CPNE4: variants seen among roughly 807,000 people sequenced by gnomAD.
CPNE4 encodes the protein copine-4.
CPNE4 carries 25 observed loss-of-function variants against 67.9 expected under a neutral mutation model. The ratio of observed to expected loss-of-function variants is 0.37; its 90% CI spans 0.27 to 0.51. CPNE4 has a LOEUF of 0.51. Among genes scored for constraint, CPNE4 ranks in the 20% least tolerant of loss-of-function variants. CPNE4 has a pLI of 0.93. For synonymous variants in CPNE4, 242 were observed against 244.9 expected (o/e 0.99, Z 0.11); for missense variants, 464 against 690.8 (o/e 0.67, Z 3.68).
chr3:131,764,869 T>G (rs1331029432), intron 2 of CPNE4, among the ~76,000 whole-genome samples: 2 of 152,098 alleles, frequency 1.3e-5, no homozygotes, highest in Non-Finnish European at 2.9e-5. Context: ...CTAGACACAT[T>G]GAAGAGCTCT....
chr3:131,561,521 AG>A (rs1156711760), intron 11 of CPNE4, among the ~76,000 whole-genome samples: 1 of 152,038 alleles, frequency 6.6e-6, no homozygotes, highest in African/African-American at 2.4e-5. Flanking sequence ...CTTTCCTTCA[AG>A]GCCATCCTGA....
chr3:131,782,213 A>T (rs574803499), intron 2 of CPNE4, among the ~76,000 whole-genome samples: 13 of 152,050 alleles, frequency 8.5e-5, no homozygotes, highest in African/African-American at 2.9e-4. Flanking sequence ...AATTTGGCCA[A>T]TTCTGAAGAT....
intron 2 of CPNE4, among the ~76,000 whole-genome samples, chr3:131,812,588 C>T (rs1179276731): frequency 1.3e-5 from 2 of 152,220 alleles, no homozygotes. Flanking sequence ...TATCAAATAT[C>T]ACATGCAAAT....
chr3:131,946,502 T>C (rs1448748156), intron 1 of CPNE4, among the ~76,000 whole-genome samples: 2 of 152,184 alleles, frequency 1.3e-5, no homozygotes, highest in Admixed American at 6.5e-5. Context: ...GTACAGGTAG[T>C]CAACATCTTT....
intron 2 of CPNE4, among the ~76,000 whole-genome samples, chr3:131,728,622 A>AT (rs1347805576): frequency 6.6e-6 from 1 of 151,982 alleles, no homozygotes; most frequent in East Asian, 1.9e-4. Flanking sequence ...TAGAAATTGG[A>AT]TTGTGTGGCC....
intron 2 of CPNE4, among the ~76,000 whole-genome samples, chr3:131,743,807 C>T (rs1466002106): frequency 1.3e-5 from 2 of 150,836 alleles, no homozygotes. Flanking sequence ...ACTAAAAATA[C>T]AAAAAATTAG....
chr3:131,542,726 A>G lies in CPNE4; in HGVS notation c.1370T>C (p.Ile457Thr). ...CATGGGGAGGTGGGAGGCATGGACA[A>G]TGGCCTCCCGGGTGTCGGCCATGTC... ...ITDMADTREAIVHASHLPMSV... is the reference protein window; with the variant it reads ...ITDMADTREATVHASHLPMSV... The change falls in exon 15 of 16, where the codon ATT becomes ACT. Residue 457 changes from isoleucine to threonine, a missense_variant. Around this residue, in one of 6 missense-constraint regions of CPNE4, gnomAD observed 201 missense variants for 357.7 expected, o/e 0.56. Coordinates refer to ENST00000429747, the MANE Select transcript of CPNE4 (RefSeq NM_130808.3). 1 of 1,613,966 alleles carries G rather than the reference A, an allele frequency of 6.2e-7. No individual in the cohort carries two copies. Among genetic ancestry groups the G allele is most frequent in the Non-Finnish European group, 8.5e-7 (1 of 1,179,944 alleles).
intron 1 of CPNE4, among the ~76,000 whole-genome samples, chr3:131,936,095 G>T (rs1036679991): frequency 1.3e-5 from 2 of 151,630 alleles, no homozygotes; most frequent in African/African-American, 2.4e-5. Flanking sequence ...CAACACTTTT[G>T]TTCTTCTCAT....
At chr3:131,566,806 G>A (rs1316767574) in intron 10 of CPNE4, among the ~76,000 whole-genome samples, 1 of 151,968 alleles carries the variant, frequency 6.6e-6, no homozygotes, top group Non-Finnish European at 1.5e-5. Flanking sequence ...TAAAAGTAAT[G>A]CTGGGAAGGC....
intron 9 of CPNE4, among the ~76,000 whole-genome samples, chr3:131,580,569 G>A (rs886155883): frequency 6.6e-6 from 1 of 152,022 alleles, no homozygotes; most frequent in Non-Finnish European, 1.5e-5. Context: ...TCAGAGACAC[G>A]TGGGTTAAAA....
At chr3:131,906,702 G>A (rs565432344) in intron 1 of CPNE4, among the ~76,000 whole-genome samples, 83 of 151,720 alleles carry the variant, frequency 5.5e-4, no homozygotes, top group Non-Finnish European at 7.5e-4. Context: ...GAATAGTGCC[G>A]CAATAAACAT....
intron 2 of CPNE4, among the ~76,000 whole-genome samples, chr3:131,790,785 A>G (rs939717824): frequency 3.9e-5 from 6 of 152,222 alleles, no homozygotes; most frequent in Admixed American, 3.9e-4. Flanking sequence ...GTATACACAA[A>G]TACAAAAACA....
intron 3 of CPNE4, among the ~76,000 whole-genome samples, chr3:131,722,603 T>G (rs2081916253): frequency 6.6e-6 from 1 of 152,212 alleles, no homozygotes; most frequent in Non-Finnish European, 1.5e-5. Context: ...AAGCTCTCTC[T>G]TCCTTTAAGG....
intron 1 of CPNE4, among the ~76,000 whole-genome samples, chr3:131,919,080 C>T (rs1279441678): frequency 4.6e-5 from 7 of 152,098 alleles, no homozygotes; most frequent in Non-Finnish European, 1.0e-4. Context: ...CCAGCTCTAG[C>T]CTGGAAGGTC....
intron 7 of CPNE4, among the ~76,000 whole-genome samples, chr3:131,612,261 C>T (rs1163561336): frequency 1.3e-5 from 2 of 152,080 alleles, no homozygotes; most frequent in African/African-American, 2.4e-5. Context: ...GTAATCCCAG[C>T]TACTCAGGAG....
chr3:131,862,815 G>A (rs905154669), intron 2 of CPNE4, among the ~76,000 whole-genome samples: 11 of 151,942 alleles, frequency 7.2e-5, no homozygotes, highest in East Asian at 1.9e-4. Context: ...CCATTAACTC[G>A]TCATTTGACA....
rs531673748 is a variant in CPNE4, at chr3:131,837,845, G to A, written c.180+67419C>T. Reference sequence around the variant, plus strand: ...TATGATGTTCTCTTGGGGGAAACAGGATAAAGGGTACAGGGGAACTTTCTG... The same window carrying A: ...TATGATGTTCTCTTGGGGGAAACAGAATAAAGGGTACAGGGGAACTTTCTG... On this transcript the variant is annotated intron_variant, in intron 2 of 15. Transcript: ENST00000429747. Among the ~76,000 whole-genome samples, 4 of 152,036 alleles carry A rather than the reference G, an allele frequency of 2.6e-5. No individual in the cohort carries two copies. In the South Asian group the frequency reaches 8.3e-4, roughly 32 times the overall value.
At chr3:131,620,077 T>A (rs1940380498) in intron 7 of CPNE4, among the ~76,000 whole-genome samples, 1 of 152,182 alleles carries the variant, frequency 6.6e-6, no homozygotes, top group African/African-American at 2.4e-5. Flanking sequence ...CCAGGCTCTC[T>A]CGGGTGTGAG....
chr3:131,627,171 TA>T (rs57392798), intron 7 of CPNE4, among the ~76,000 whole-genome samples: 37,691 of 134,034 alleles, frequency 0.28, 8,455 homozygotes, highest in African/African-American at 0.64. Flanking sequence ...CCAGCCTGGG[TA>T]GACAGAGTGA....
Sources: allele counts gnomAD v4.1 joint callset (sites outside exome capture counted in the v4.1 genomes callset), GRCh38; gene constraint gnomAD v4.1.1; regional missense constraint gnomAD v4.1.1; transcripts MANE v1.5; gene names NCBI Gene and HGNC (gene_info 2026-07-23, HGNC 2026-07-21).